Variants in PPP3CA observed in about 807,000 individuals in gnomAD.
The protein encoded by PPP3CA is CAM-PRP catalytic subunit.
Under a neutral mutation model 66.5 loss-of-function variants are expected in PPP3CA, and 14 were observed. The observed-to-expected ratio is 0.21, with a 90% CI of 0.14 to 0.33. The LOEUF (loss-of-function observed/expected upper bound fraction) is 0.33. Ranked by LOEUF, PPP3CA falls within the 10% of genes least tolerant of loss-of-function variation. The probability of loss-of-function intolerance (pLI) is 1.00; values close to 1 mark genes in which losing one functional copy is unlikely to be tolerated. For synonymous variants in PPP3CA, 232 were observed against 226.2 expected (o/e 1.03, Z -0.23); for missense variants, 317 against 639.5 (o/e 0.50, Z 5.44).
chr4:101,066,494 T>C (rs1380772127), intron 8 of PPP3CA, among the ~76,000 whole-genome samples: 1 of 152,140 alleles, frequency 6.6e-6, no homozygotes, highest in African/African-American at 2.4e-5. Context: ...AGTAGTTCTA[T>C]AGGTTATAAA....
intron 1 of PPP3CA, among the ~76,000 whole-genome samples, chr4:101,274,206 A>G (rs1578617970): frequency 6.6e-6 from 1 of 152,314 alleles, no homozygotes; most frequent in Non-Finnish European, 1.5e-5. Context: ...TGGGAGGCTG[A>G]GGTGGGAGAA....
chr4:101,068,056 A>C (rs1487825051), intron 8 of PPP3CA, among the ~76,000 whole-genome samples: 1 of 152,138 alleles, frequency 6.6e-6, no homozygotes, highest in Non-Finnish European at 1.5e-5. Flanking sequence ...AGAAGAGGTC[A>C]AAAGAATGAA....
At chr4:101,196,508 C>T (rs1578544327) in intron 1 of PPP3CA, among the ~76,000 whole-genome samples, 2 of 152,300 alleles carry the variant, frequency 1.3e-5, no homozygotes, top group East Asian at 3.9e-4. Flanking sequence ...AGAAAACAGG[C>T]TCCTCTACTG....
At position 101,346,785 on chromosome 4, in the gene PPP3CA, G is replaced by C. The variant is rs140003651; in HGVS notation, c.12C>G (p.Pro4=). The change falls in exon 1 of 14, where the codon CCC becomes CCG. Residue 4 remains proline (P), a synonymous_variant. Transcript: ENST00000394854. ...TCGACAACTTGGGATCAATTGCCTT[G>C]GGCTCGGACATCTCCAGCTGCCGGA... MSE[P]KAIDPKLSTT... is the part of the protein sequence containing the mutation. 25 of 1,611,252 alleles carry C rather than the reference G, an allele frequency of 1.6e-5. No homozygotes were observed. Among genetic ancestry groups the C allele is most frequent in the Non-Finnish European group, 2.1e-5 (25 of 1,179,128 alleles).
chr4:101,265,710 A>C (rs1727148669), intron 1 of PPP3CA, among the ~76,000 whole-genome samples: 1 of 152,144 alleles, frequency 6.6e-6, no homozygotes, highest in Non-Finnish European at 1.5e-5. Flanking sequence ...CCAAATAAAA[A>C]CCACACAAGA....
intron 2 of PPP3CA, among the ~76,000 whole-genome samples, chr4:101,135,497 T>C (rs958217157): frequency 1.3e-5 from 2 of 152,168 alleles, no homozygotes; most frequent in Non-Finnish European, 2.9e-5. Flanking sequence ...GGCTACCTGG[T>C]CTAAAAAACA....
chr4:101,206,523 G>T (rs192208290), intron 1 of PPP3CA, among the ~76,000 whole-genome samples: 2 of 152,272 alleles, frequency 1.3e-5, no homozygotes, highest in East Asian at 3.9e-4. Flanking sequence ...AAACTTTCAA[G>T]TAATTAAGGA....
At chr4:101,262,594 T>C (rs1727043507) in intron 1 of PPP3CA, among the ~76,000 whole-genome samples, 2 of 151,972 alleles carry the variant, frequency 1.3e-5, no homozygotes, top group African/African-American at 4.8e-5. Flanking sequence ...GAGAAGAAAA[T>C]GAGATAGAGG....
intron 3 of PPP3CA, among the ~76,000 whole-genome samples, chr4:101,107,037 T>G (rs1465310525): frequency 2.0e-5 from 3 of 152,204 alleles, no homozygotes; most frequent in Non-Finnish European, 2.9e-5. Flanking sequence ...AAATTAGTAC[T>G]CAATTGCTTT....
intron 2 of PPP3CA, among the ~76,000 whole-genome samples, chr4:101,184,319 T>C (rs1724338091): frequency 6.6e-6 from 1 of 152,162 alleles, no homozygotes; most frequent in Non-Finnish European, 1.5e-5. Flanking sequence ...CAGAATCAGT[T>C]CCCTGCACTT....
chr4:101,147,623 C>T (rs1053422304), intron 2 of PPP3CA, among the ~76,000 whole-genome samples: 14 of 152,054 alleles, frequency 9.2e-5, no homozygotes, highest in African/African-American at 3.4e-4. Context: ...AAGAGCTATT[C>T]TTTTAAAACT....
rs35434632 is a variant in PPP3CA at position 101,025,820 on chromosome 4, CAAAAAAA to C, written c.*38_*44del. 3.7e-3 allele frequency: 1,770 copies of C among 478,292 alleles called. No homozygotes were observed. Among genetic ancestry groups the C allele is most frequent in the Middle Eastern group, 5.1e-3 (8 of 1,568 alleles). The allele number at this position is 478,292 out of a possible 1,614,324, so 29.6% of individuals were successfully genotyped here. ...GCAATCCCCATCATGCCCCGCAGCT[CAAAAAAA>C]AAAAAAAAAAAAAAAAAAAAAAGTG... On this transcript the variant is annotated 3_prime_UTR_variant, in exon 14 of 14. Coordinates refer to ENST00000394854, the MANE Select transcript of PPP3CA (RefSeq NM_000944.5).
intron 1 of PPP3CA, among the ~76,000 whole-genome samples, chr4:101,215,748 CTAATGCAAATGGCTCCAG>C (rs1560663028): frequency 6.6e-6 from 1 of 151,990 alleles, no homozygotes; most frequent in East Asian, 1.9e-4. Context: ...TTTAATAAAG[CTAATGCAAATGGCTCCAG>C]AACAAATATA....
intron 1 of PPP3CA, among the ~76,000 whole-genome samples, chr4:101,222,580 T>C (rs1725660715): frequency 6.6e-6 from 1 of 151,678 alleles, no homozygotes; most frequent in Non-Finnish European, 1.5e-5. Context: ...GGAAATCTGA[T>C]TATTTTTCCC....
intron 1 of PPP3CA, among the ~76,000 whole-genome samples, chr4:101,279,890 G>T (rs1406434864): frequency 1.3e-5 from 2 of 152,218 alleles, no homozygotes. Context: ...AGAATAAGGG[G>T]CTGCTGTTTC....
chr4:101,110,407 G>T (rs1261376020), intron 2 of PPP3CA, among the ~76,000 whole-genome samples: 2 of 152,144 alleles, frequency 1.3e-5, no homozygotes, highest in Non-Finnish European at 2.9e-5. Context: ...TGTCTTTACT[G>T]TCAAGAATTA....
chr4:101,320,362 A>G (rs1215716566), intron 1 of PPP3CA, among the ~76,000 whole-genome samples: 1 of 152,152 alleles, frequency 6.6e-6, no homozygotes, highest in African/African-American at 2.4e-5. Flanking sequence ...TTACTAAAAC[A>G]GTATTATGTA....
intron 2 of PPP3CA, among the ~76,000 whole-genome samples, chr4:101,136,627 T>C (rs887795747): frequency 2.6e-5 from 4 of 151,822 alleles, no homozygotes; most frequent in Admixed American, 1.3e-4. Context: ...CTTCCTTGTT[T>C]GATGTATGAT....
intron 1 of PPP3CA, among the ~76,000 whole-genome samples, chr4:101,258,951 C>G (rs1726926522): frequency 6.6e-6 from 1 of 152,118 alleles, no homozygotes; most frequent in Admixed American, 6.6e-5. Flanking sequence ...GTCAGAAGAC[C>G]TGGTTTCTGC....
Sources: allele counts gnomAD v4.1 joint callset (sites outside exome capture counted in the v4.1 genomes callset), GRCh38; gene constraint gnomAD v4.1.1; transcripts MANE v1.5; gene names NCBI Gene and HGNC (gene_info 2026-07-23, HGNC 2026-07-21).